INTS9: variants seen among roughly 807,000 people sequenced by gnomAD.
INTS9 encodes protein related to CPSF subunits of 74 kDa.
INTS9 carries 55 observed loss-of-function variants against 79.7 expected under a neutral mutation model. The ratio of observed to expected loss-of-function variants is 0.69; its 90% CI spans 0.56 to 0.86. The LOEUF (loss-of-function observed/expected upper bound fraction) is 0.86. INTS9 is among the 40% of genes least tolerant of loss of function. The probability of loss-of-function intolerance (pLI) is 0.00; values close to 1 mark genes in which losing one functional copy is unlikely to be tolerated. For synonymous variants in INTS9, 319 were observed against 325.2 expected (o/e 0.98, Z 0.20); for missense variants, 721 against 831.5 (o/e 0.87, Z 1.64).
chr8:28,874,531 G>A (rs1809272150), intron 1 of INTS9, among the ~76,000 whole-genome samples: 1 of 151,974 alleles, frequency 6.6e-6, no homozygotes. Context: ...CTGACCTCGT[G>A]ATCTGCCTGT....
chr8:28,804,047 C>T (rs1287115918), intron 8 of INTS9, among the ~76,000 whole-genome samples: 1 of 152,188 alleles, frequency 6.6e-6, no homozygotes, highest in Admixed American at 6.5e-5. Context: ...CCTCAGCATC[C>T]TGAGTAGCTG....
intron 8 of INTS9, among the ~76,000 whole-genome samples, chr8:28,801,767 C>T (rs1804541527): frequency 6.6e-6 from 1 of 152,094 alleles, no homozygotes; most frequent in Non-Finnish European, 1.5e-5. Context: ...TGTGTGCCAC[C>T]ATGGCCAGCT....
chr8:28,789,627 C>T (rs1665062325), intron 10 of INTS9, among the ~76,000 whole-genome samples: 1 of 152,176 alleles, frequency 6.6e-6, no homozygotes, highest in Admixed American at 6.5e-5. Flanking sequence ...GGCACTGTGG[C>T]TCAGGACTGT....
intron 14 of INTS9, chr8:28,771,285 C>A: frequency 1.7e-6 from 1 of 594,038 alleles, no homozygotes; most frequent in Non-Finnish European, 3.1e-6. Flanking sequence ...CTTTACTTCA[C>A]CCTCATCCCC....
At chr8:28,835,399 T>G in intron 5 of INTS9, 21 bp from the exon 6 acceptor site, 2 of 1,585,020 alleles carry the variant, frequency 1.3e-6, no homozygotes, top group Non-Finnish European at 1.7e-6. Flanking sequence ...ACAAAACAAG[T>G]GAGGAACACC....
intron 6 of INTS9, among the ~76,000 whole-genome samples, chr8:28,816,162 T>C (rs1285133595): frequency 1.3e-5 from 2 of 151,948 alleles, no homozygotes; most frequent in East Asian, 3.9e-4. Context: ...AAAATTTTAT[T>C]ATTATTATAC....
intron 3 of INTS9, among the ~76,000 whole-genome samples, chr8:28,848,533 A>G (rs1427347314): frequency 6.6e-6 from 1 of 152,218 alleles, no homozygotes; most frequent in East Asian, 1.9e-4. Flanking sequence ...GACTGAACAC[A>G]GTTCTTAATT....
intron 10 of INTS9, among the ~76,000 whole-genome samples, chr8:28,788,485 C>T (rs1048247776): frequency 1.2e-4 from 19 of 152,210 alleles, no homozygotes; most frequent in Non-Finnish European, 2.5e-4. Context: ...ATGGCGCGAT[C>T]TCGGCTCACT....
chr8:28,859,514 T>G lies in INTS9; in HGVS notation c.59A>C (p.Lys20Thr). ...PTLPCNVLKF[K>T]STTIMLDCGL... The stretch of plus-strand genomic sequence containing the variant: ...GCAGTCCAACATAATGGTGGTTGAT[T>G]TGAATTTGAGCACATTGCATGGTAA... Residue 20 changes from lysine (K) to threonine (T), a missense_variant, in exon 2 of 17, where the codon AAA becomes ACA. This residue lies in a region of INTS9 where 291 missense variants were observed against 307.0 expected (regional missense o/e 0.95). Transcript: ENST00000521022. The G allele has an allele frequency of 1.9e-6, 3 of 1,614,194 alleles. No homozygotes were observed. Among genetic ancestry groups the G allele is most frequent in the Non-Finnish European group, 2.5e-6 (3 of 1,180,004 alleles).
intron 9 of INTS9, among the ~76,000 whole-genome samples, chr8:28,794,444 A>G (rs555772500): frequency 6.6e-6 from 1 of 152,272 alleles, no homozygotes; most frequent in East Asian, 1.9e-4. Context: ...CTGCAGGAAA[A>G]TCCCCTATAC....
chr8:28,836,312 G>A (rs4732656), intron 5 of INTS9, among the ~76,000 whole-genome samples: 59,052 of 151,942 alleles, frequency 0.39, 12,861 homozygotes, highest in Non-Finnish European at 0.49. Context: ...TTAGATCAAG[G>A]TACACAGGCT....
At chr8:28,851,742 T>C (rs1807850126) in intron 2 of INTS9, among the ~76,000 whole-genome samples, 1 of 150,428 alleles carries the variant, frequency 6.6e-6, no homozygotes, top group African/African-American at 2.4e-5. Flanking sequence ...CAGCCGGGGG[T>C]GGGGGGTAAG....
intron 1 of INTS9, among the ~76,000 whole-genome samples, chr8:28,878,123 A>T (rs1809492673): frequency 6.6e-6 from 1 of 152,218 alleles, no homozygotes. Context: ...TCTAACTTAA[A>T]AAAGAAAAAT....
intron 2 of INTS9, among the ~76,000 whole-genome samples, chr8:28,856,215 T>A (rs898147103): frequency 3.9e-5 from 6 of 152,136 alleles, no homozygotes; most frequent in African/African-American, 1.4e-4. Flanking sequence ...GGTAAAAGTG[T>A]CAAGGCTTAA....
chr8:28,849,160 T>C (rs1807689812), intron 3 of INTS9, among the ~76,000 whole-genome samples: 3 of 152,228 alleles, frequency 2.0e-5, no homozygotes. Context: ...TTAAACTCTT[T>C]AGTTTTTCAA....
chr8:28,793,185 C>T (rs1234176795), intron 10 of INTS9, among the ~76,000 whole-genome samples: 1 of 152,094 alleles, frequency 6.6e-6, no homozygotes, highest in South Asian at 2.1e-4. Flanking sequence ...GTCACAGTCC[C>T]GGAACGTTTG....
At chr8:28,783,719 G>A (rs1238480429) in intron 11 of INTS9, 3 of 152,220 alleles carry the variant, frequency 2.0e-5, no homozygotes, top group Admixed American at 6.5e-5. Context: ...AATATGAATA[G>A]TAAAGCCGGA....
At chr8:28,840,726 G>T (rs1274626504) in intron 4 of INTS9, among the ~76,000 whole-genome samples, 1 of 144,138 alleles carries the variant, frequency 6.9e-6, no homozygotes, top group Admixed American at 7.0e-5. Context: ...CTCACTCATA[G>T]GTGGGAACTG....
intron 1 of INTS9, among the ~76,000 whole-genome samples, chr8:28,875,115 C>T (rs2131351873): frequency 6.6e-6 from 1 of 152,302 alleles, no homozygotes; most frequent in South Asian, 2.1e-4. Flanking sequence ...ATTCAACCAT[C>T]TCCCACCAAT....
Sources: gnomAD v4.1 joint callset for allele counts (sites outside exome capture counted in the v4.1 genomes callset) on GRCh38, gnomAD v4.1.1 for gene constraint, gnomAD v4.1.1 regional missense constraint, MANE v1.5 for transcripts, NCBI Gene and HGNC (gene_info 2026-07-23, HGNC 2026-07-21) for gene names.